The following DGKB variants were observed in gnomAD, a reference collection of about 807,000 sequenced individuals.
DGKB encodes diacylglycerol kinase beta, also known as 90 kDa diacylglycerol kinase.
Under a neutral mutation model 114.3 loss-of-function variants are expected in DGKB, and 67 were observed. The ratio of observed to expected loss-of-function variants is 0.59; its 90% CI spans 0.48 to 0.72. The LOEUF is 0.72. Among genes scored for constraint, DGKB ranks in the 30% least tolerant of loss-of-function variants. DGKB has a pLI of 0.00. For missense variants in DGKB, 907 were observed against 975.2 expected (o/e 0.93, Z 0.93); for synonymous variants, 398 against 323.1 (o/e 1.23, Z -2.49).
intron 20 of DGKB, among the ~76,000 whole-genome samples, chr7:14,485,693 T>C (rs1386282258): frequency 1.3e-5 from 2 of 151,190 alleles, no homozygotes; most frequent in African/African-American, 4.9e-5. Flanking sequence ...GAGACCAGCC[T>C]GGCCAACATG....
intron 1 of DGKB, among the ~76,000 whole-genome samples, chr7:14,889,917 C>G (rs1009705889): frequency 6.6e-6 from 1 of 151,314 alleles, no homozygotes; most frequent in Non-Finnish European, 1.5e-5. Context: ...TTCTGATTGG[C>G]CTGGGATAAA....
At chr7:14,687,261 C>A (rs1246651192) in intron 9 of DGKB, among the ~76,000 whole-genome samples, 1 of 152,198 alleles carries the variant, frequency 6.6e-6, no homozygotes, top group African/African-American at 2.4e-5. Context: ...CAAGCTAATA[C>A]ATTAACTTCC....
chr7:14,575,928 T>G (rs1334324115), intron 19 of DGKB, among the ~76,000 whole-genome samples: 1 of 152,136 alleles, frequency 6.6e-6, no homozygotes, highest in Admixed American at 6.6e-5. Context: ...ACGTTACACT[T>G]AAGGTGTATC....
intron 20 of DGKB, among the ~76,000 whole-genome samples, chr7:14,546,751 C>T (rs1421057594): frequency 6.6e-6 from 1 of 152,144 alleles, no homozygotes; most frequent in African/African-American, 2.4e-5. Flanking sequence ...AAAGATGCAA[C>T]AAGTGATATG....
At chr7:14,297,153 T>A (rs1456087825) in intron 23 of DGKB, among the ~76,000 whole-genome samples, 3 of 152,154 alleles carry the variant, frequency 2.0e-5, no homozygotes, top group Non-Finnish European at 4.4e-5. Context: ...CCATTCCTTC[T>A]GAAGCTATTC....
intron 1 of DGKB, among the ~76,000 whole-genome samples, chr7:14,965,918 A>C (rs1032661857): frequency 6.6e-6 from 1 of 152,058 alleles, no homozygotes; most frequent in Admixed American, 6.6e-5. Context: ...TTTGTACATC[A>C]TGATATGAAT....
intron 15 of DGKB, among the ~76,000 whole-genome samples, chr7:14,618,456 G>A (rs924571478): frequency 1.3e-5 from 2 of 151,528 alleles, no homozygotes; most frequent in Non-Finnish European, 3.0e-5. Flanking sequence ...TTAGGAACAA[G>A]GTAACTTCAA....
At chr7:14,500,056 C>T (rs906438395) in intron 20 of DGKB, among the ~76,000 whole-genome samples, 2 of 151,842 alleles carry the variant, frequency 1.3e-5, no homozygotes, top group African/African-American at 2.4e-5. Flanking sequence ...TTAATATTCA[C>T]AAATTCGTTC....
intron 1 of DGKB, among the ~76,000 whole-genome samples, chr7:14,864,352 T>C (rs990034397): frequency 1.3e-5 from 2 of 151,648 alleles, no homozygotes; most frequent in Non-Finnish European, 2.9e-5. Flanking sequence ...GTAATCAGAG[T>C]AGAGCTAACT....
At chr7:14,593,216 G>A (rs1801986909) in intron 17 of DGKB, among the ~76,000 whole-genome samples, 1 of 151,946 alleles carries the variant, frequency 6.6e-6, no homozygotes, top group African/African-American at 2.4e-5. Flanking sequence ...GAAGGAGAGA[G>A]GGACAGAGAA....
chr7:14,567,862 C>T (rs544562107), intron 20 of DGKB, among the ~76,000 whole-genome samples: 2 of 152,026 alleles, frequency 1.3e-5, no homozygotes, highest in Admixed American at 1.3e-4. Context: ...CTTCCTTGGC[C>T]TCCCAAAGTG....
intron 1 of DGKB, among the ~76,000 whole-genome samples, chr7:14,942,846 C>T (rs1428505922): frequency 6.6e-6 from 1 of 152,000 alleles, no homozygotes; most frequent in Non-Finnish European, 1.5e-5. Flanking sequence ...ATTTCACTTG[C>T]AATCTTCATA....
chr7:14,442,418 G>A (rs906505642), intron 21 of DGKB, among the ~76,000 whole-genome samples: 1 of 151,546 alleles, frequency 6.6e-6, no homozygotes, highest in Non-Finnish European at 1.5e-5. Context: ...ACCTGTATTG[G>A]TAGAATATTT....
chr7:14,763,683 G>A (rs1480818232), intron 2 of DGKB, among the ~76,000 whole-genome samples: 1 of 152,152 alleles, frequency 6.6e-6, no homozygotes, highest in African/African-American at 2.4e-5. Flanking sequence ...CTCCTATACA[G>A]TAAATATATT....
intron 8 of DGKB, among the ~76,000 whole-genome samples, chr7:14,695,536 G>C (rs111298624): frequency 0.011 from 1,171 of 104,842 alleles, 15 homozygotes; most frequent in African/African-American, 0.043. Flanking sequence ...GTCTCACTCT[G>C]TCGCCCAGGC....
chr7:14,607,141 C>T (rs1260497813), intron 17 of DGKB, among the ~76,000 whole-genome samples: 1 of 145,298 alleles, frequency 6.9e-6, no homozygotes, highest in Non-Finnish European at 1.5e-5. Flanking sequence ...TTCAAACTGG[C>T]ATTCAGCTAG....
intron 21 of DGKB, among the ~76,000 whole-genome samples, chr7:14,420,907 T>C (rs1413010605): frequency 6.6e-6 from 1 of 152,038 alleles, no homozygotes; most frequent in Non-Finnish European, 1.5e-5. Context: ...CACCTCTCCA[T>C]GCCCAAGTGA....
intron 2 of DGKB, among the ~76,000 whole-genome samples, chr7:14,769,565 G>T (rs1432910183): frequency 5.3e-5 from 8 of 151,270 alleles, no homozygotes; most frequent in African/African-American, 1.9e-4. Context: ...CATAAAATCT[G>T]CCAAAGGAAA....
chr7:14,259,706 G>A (rs939439592), intron 23 of DGKB, among the ~76,000 whole-genome samples: 4 of 152,124 alleles, frequency 2.6e-5, no homozygotes, highest in African/African-American at 9.7e-5. Context: ...GATTACAGGC[G>A]TGAGCCACCG....
Sources: gnomAD v4.1 joint callset for allele counts (sites outside exome capture counted in the v4.1 genomes callset) on GRCh38, gnomAD v4.1.1 for gene constraint, MANE v1.5 for transcripts, NCBI Gene and HGNC (gene_info 2026-07-23, HGNC 2026-07-21) for gene names.